SGMS1: variants seen among roughly 807,000 people sequenced by gnomAD.
The protein encoded by SGMS1 is phosphatidylcholine:ceramide cholinephosphotransferase 1.
Under a neutral mutation model 46.2 loss-of-function variants are expected in SGMS1, and 13 were observed. That is an observed-to-expected ratio of 0.28 (90% CI 0.18 to 0.45). SGMS1 has a LOEUF of 0.45. Ranked by LOEUF, SGMS1 falls within the 20% of genes least tolerant of loss-of-function variation. The pLI is 1.00. For synonymous variants in SGMS1, 203 were observed against 187.8 expected (o/e 1.08, Z -0.66); for missense variants, 324 against 519.9 (o/e 0.62, Z 3.66).
chr10:50,366,778 A>G (rs1848353146), intron 6 of SGMS1, among the ~76,000 whole-genome samples: 1 of 152,074 alleles, frequency 6.6e-6, no homozygotes, highest in Admixed American at 6.6e-5. Flanking sequence ...AGGGAGGGGA[A>G]CATCACACAC....
At chr10:50,552,882 G>T (rs1184453785) in intron 2 of SGMS1, among the ~76,000 whole-genome samples, 2 of 152,186 alleles carry the variant, frequency 1.3e-5, no homozygotes, top group Non-Finnish European at 2.9e-5. Flanking sequence ...GAGAAGAGAA[G>T]AAGGCAGTGT....
chr10:50,492,179 G>T (rs960678424), intron 3 of SGMS1, among the ~76,000 whole-genome samples: 2 of 152,130 alleles, frequency 1.3e-5, no homozygotes, highest in African/African-American at 4.8e-5. Flanking sequence ...AGAATAATAA[G>T]AGCCATCTAC....
At chr10:50,600,525 T>C (rs996313795) in intron 1 of SGMS1, among the ~76,000 whole-genome samples, 2 of 152,172 alleles carry the variant, frequency 1.3e-5, no homozygotes, top group African/African-American at 2.4e-5. Flanking sequence ...TGAATATATT[T>C]TGAACACCCA....
At chr10:50,506,494 A>T (rs1426477321) in intron 3 of SGMS1, among the ~76,000 whole-genome samples, 2 of 152,146 alleles carry the variant, frequency 1.3e-5, no homozygotes, top group Non-Finnish European at 2.9e-5. Context: ...AGGAGCTATG[A>T]AAAATCCATA....
chr10:50,331,044 A>AT (rs1314498375), intron 7 of SGMS1, among the ~76,000 whole-genome samples: 2 of 152,230 alleles, frequency 1.3e-5, no homozygotes, highest in African/African-American at 4.8e-5. Flanking sequence ...TGGAAAGGCC[A>AT]TGAAATAGCA....
chr10:50,415,999 A>G (rs1849164404), intron 6 of SGMS1, among the ~76,000 whole-genome samples: 1 of 152,216 alleles, frequency 6.6e-6, no homozygotes. Context: ...GAGTTCAGCA[A>G]CACTAAGGCG....
intron 6 of SGMS1, among the ~76,000 whole-genome samples, chr10:50,353,541 T>C (rs1389539896): frequency 2.6e-5 from 4 of 152,242 alleles, no homozygotes; most frequent in South Asian, 2.1e-4. Context: ...GACAGGGATG[T>C]CCTCTCTCAC....
chr10:50,425,006 A>C (rs1849305169), intron 6 of SGMS1, among the ~76,000 whole-genome samples: 1 of 152,164 alleles, frequency 6.6e-6, no homozygotes, highest in Non-Finnish European at 1.5e-5. Context: ...AGAGAAATAC[A>C]AATCAAAACC....
intron 8 of SGMS1, among the ~76,000 whole-genome samples, chr10:50,313,383 A>T (rs2133280498): frequency 6.6e-6 from 1 of 152,146 alleles, no homozygotes; most frequent in South Asian, 2.1e-4. Context: ...TAAAAAATCT[A>T]AAAAAAAGAG....
chr10:50,326,689 A>C (rs569457653), intron 8 of SGMS1, among the ~76,000 whole-genome samples: 3 of 152,312 alleles, frequency 2.0e-5, no homozygotes, highest in Admixed American at 2.0e-4. Context: ...AGAGGAATAA[A>C]GTTTATTTTT....
At chr10:50,471,923 ATC>A (rs2133702676) in intron 3 of SGMS1, among the ~76,000 whole-genome samples, 1 of 152,340 alleles carries the variant, frequency 6.6e-6, no homozygotes, top group East Asian at 1.9e-4. Flanking sequence ...GAGCCACATT[ATC>A]TCTGTGCTTA....
intron 3 of SGMS1, among the ~76,000 whole-genome samples, chr10:50,486,278 C>A (rs1837520536): frequency 6.6e-6 from 1 of 152,086 alleles, no homozygotes; most frequent in Non-Finnish European, 1.5e-5. Context: ...ATGAAAACAT[C>A]AAAACCAATT....
intron 7 of SGMS1, among the ~76,000 whole-genome samples, chr10:50,337,512 A>G (rs1847735061): frequency 6.6e-6 from 1 of 152,214 alleles, no homozygotes; most frequent in South Asian, 2.1e-4. Flanking sequence ...CAACCATCGA[A>G]GACATAAAAA....
At chr10:50,446,068 G>A (rs552896185) in intron 5 of SGMS1, among the ~76,000 whole-genome samples, 7 of 152,088 alleles carry the variant, frequency 4.6e-5, no homozygotes, top group Non-Finnish European at 7.4e-5. Context: ...TGGTCAGACC[G>A]GTTGTCTGCT....
chr10:50,479,019 C>G (rs554920363), intron 3 of SGMS1, among the ~76,000 whole-genome samples: 26 of 117,948 alleles, frequency 2.2e-4, no homozygotes, highest in Admixed American at 5.4e-4. Context: ...TCCTAGATGC[C>G]AGTCACATTC....
At chr10:50,372,471 G>A (rs924789030) in intron 6 of SGMS1, among the ~76,000 whole-genome samples, 9 of 152,138 alleles carry the variant, frequency 5.9e-5, no homozygotes, top group Non-Finnish European at 8.8e-5. Context: ...GGGGAGGGTG[G>A]ATCACGAGGT....
intron 2 of SGMS1, among the ~76,000 whole-genome samples, chr10:50,572,597 C>T (rs1453881074): frequency 6.6e-6 from 1 of 152,094 alleles, no homozygotes; most frequent in Non-Finnish European, 1.5e-5. Context: ...GTTTTGTACA[C>T]TGAGTTTTTG....
intron 6 of SGMS1, among the ~76,000 whole-genome samples, chr10:50,361,579 G>A (rs1394158461): frequency 2.0e-5 from 3 of 152,168 alleles, no homozygotes; most frequent in East Asian, 1.9e-4. Context: ...TCTGGCCCAC[G>A]GGATTGCCCC....
At chr10:50,424,226 T>C (rs1324766501) in intron 6 of SGMS1, among the ~76,000 whole-genome samples, 1 of 152,174 alleles carries the variant, frequency 6.6e-6, no homozygotes, top group Non-Finnish European at 1.5e-5. Context: ...GTGAAGGAAC[T>C]AGAGGGCAGT....
Sources: gnomAD v4.1 joint callset for allele counts (sites outside exome capture counted in the v4.1 genomes callset) on GRCh38, gnomAD v4.1.1 for gene constraint, MANE v1.5 for transcripts, NCBI Gene and HGNC (gene_info 2026-07-23, HGNC 2026-07-21) for gene names.